The following ZNF215 variants were observed in gnomAD, a reference collection of about 807,000 sequenced individuals.
ZNF215 encodes the protein BWSCR2-associated zinc finger protein 2.
In ZNF215, 24 loss-of-function variants were observed where a neutral mutation model predicts 27.2. The observed-to-expected ratio is 0.88, with a 90% CI of 0.64 to 1.24. ZNF215 has a LOEUF of 1.24. Ranked by LOEUF, ZNF215 falls within the 50% of genes most tolerant of loss-of-function variation. The pLI, the probability that ZNF215 is intolerant of heterozygous loss-of-function variation, is 0.00. For synonymous variants in ZNF215, 210 were observed against 204.0 expected, an observed-to-expected ratio of 1.03 and a Z score of -0.25; for missense variants, 675 against 605.7, an observed-to-expected ratio of 1.11 and a Z score of -1.20.
chr11:6,980,499 A>G (rs1254048852), intron 5 of ZNF215, among the ~76,000 whole-genome samples: 1 of 152,128 alleles, frequency 6.6e-6, no homozygotes, highest in Non-Finnish European at 1.5e-5. Flanking sequence ...ACAGTTTAAT[A>G]AACTAAGTGT....
At chr11:6,967,597 A>T (rs1034282419) in intron 5 of ZNF215, among the ~76,000 whole-genome samples, 4 of 152,088 alleles carry the variant, frequency 2.6e-5, no homozygotes, top group African/African-American at 9.7e-5. Context: ...AGCCACATAA[A>T]TGTCGTATTT....
intron 5 of ZNF215, among the ~76,000 whole-genome samples, chr11:6,969,044 T>A (rs1206320618): frequency 6.6e-6 from 1 of 152,190 alleles, no homozygotes; most frequent in Non-Finnish European, 1.5e-5. Flanking sequence ...CTTTCCATTA[T>A]TATGCCATGT....
At chr11:6,990,879 TC>T (rs780548817), downstream of ZNF215, among the ~76,000 whole-genome samples, 2 of 152,200 alleles carry the variant, frequency 1.3e-5, no homozygotes, top group Non-Finnish European at 2.9e-5. Context: ...AGTGTGGCAC[TC>T]CTGCAAAAAT....
At chr11:6,937,020 A>G (rs1160056159) in intron 3 of ZNF215, among the ~76,000 whole-genome samples, 1 of 152,046 alleles carries the variant, frequency 6.6e-6, no homozygotes, top group Non-Finnish European at 1.5e-5. Context: ...AATCAGGAAC[A>G]AGACAAGAAT....
At chr11:6,951,464 G>A (rs1850056631) in intron 6 of ZNF215, among the ~76,000 whole-genome samples, 2 of 152,286 alleles carry the variant, frequency 1.3e-5, no homozygotes, top group East Asian at 3.9e-4. Context: ...AGTCTTGGGA[G>A]GGTGTATGTG....
intron 1 of ZNF215, among the ~76,000 whole-genome samples, chr11:6,927,085 G>A (rs1180212488): frequency 6.6e-6 from 1 of 152,128 alleles, no homozygotes; most frequent in African/African-American, 2.4e-5. Context: ...AGAGTGGTTA[G>A]TATGTTATGA....
Position 6,943,636 on chromosome 11 carries a change from T to G in ZNF215, c.707T>G (p.Ile236Ser). ...IMEKEIPRKT[I>S]FDMKSISGEE... ...GAGAAAGAAATACCAAGGAAGACTA[T>G]TTTTGGTAAGAACCAGGTAGATATG... The change falls in exon 6 of 7, where the codon ATT becomes AGT. Residue 236 changes from isoleucine to serine, a missense_variant. By Grantham distance (142) the Ile-to-Ser change is moderately radical (BLOSUM62 -2). Coordinates refer to ENST00000278319, the MANE Select transcript of ZNF215 (RefSeq NM_013250.4). 1 of 1,612,016 alleles carries G rather than the reference T, an allele frequency of 6.2e-7. No homozygotes were observed. Among genetic ancestry groups the G allele is most frequent in the Admixed American group, 1.7e-5 (1 of 60,012 alleles).
At chr11:6,929,314 T>A (rs1849172355) in intron 2 of ZNF215, among the ~76,000 whole-genome samples, 1 of 152,214 alleles carries the variant, frequency 6.6e-6, no homozygotes, top group African/African-American at 2.4e-5. Flanking sequence ...CTCCACTAAT[T>A]TTTCCTATTA....
chr11:6,952,514 T>C (rs1272145093), intron 6 of ZNF215, among the ~76,000 whole-genome samples: 2 of 152,112 alleles, frequency 1.3e-5, no homozygotes, highest in African/African-American at 2.4e-5. Context: ...CTTTTGATCT[T>C]TGTTGGTTTA....
Position 6,932,252 on chromosome 11 carries a change from G to C in ZNF215, c.-21G>C. On this transcript the variant is annotated 5_prime_UTR_variant, in exon 3 of 7. Coordinates refer to ENST00000278319, the MANE Select transcript of ZNF215 (RefSeq NM_013250.4). ...TCTAGTAAGGCGGATTTGAACTACT[G>C]TGGGAGTTCTATTTAGGAAGATGCA... is the stretch of plus-strand genomic sequence containing the variant. 3 of 1,607,418 alleles carry C rather than the reference G, an allele frequency of 1.9e-6. No homozygotes were observed. The highest frequency in any genetic ancestry group is 1.1e-5 in the South Asian group (1 of 89,906).
intron 3 of ZNF215, among the ~76,000 whole-genome samples, chr11:6,940,836 C>T (rs1041096101): frequency 1.3e-5 from 2 of 152,138 alleles, no homozygotes; most frequent in Non-Finnish European, 2.9e-5. Flanking sequence ...TATTAGAAGA[C>T]ATTTTAACAT....
At chr11:6,955,382 G>A (rs1218093873) in intron 6 of ZNF215, among the ~76,000 whole-genome samples, 4 of 152,144 alleles carry the variant, frequency 2.6e-5, no homozygotes, top group Admixed American at 6.5e-5. Context: ...CACTAGTTAC[G>A]AACCAGTGAT....
chr11:6,986,824 A>G (rs1226870740), downstream of ZNF215, among the ~76,000 whole-genome samples: 1 of 150,526 alleles, frequency 6.6e-6, no homozygotes, highest in South Asian at 2.2e-4. Context: ...AGGCAAAATG[A>G]CTTTTGTTAA....
chr11:6,965,808 T>C (rs767195254), intron 5 of ZNF215, among the ~76,000 whole-genome samples: 7 of 152,216 alleles, frequency 4.6e-5, no homozygotes, highest in Non-Finnish European at 8.8e-5. Flanking sequence ...GAGATTTTTT[T>C]ATATAGTCAA....
chr11:6,990,568 G>C (rs948460980), downstream of ZNF215, among the ~76,000 whole-genome samples: 17 of 152,226 alleles, frequency 1.1e-4, no homozygotes, highest in African/African-American at 4.1e-4. Flanking sequence ...TACAACCTCT[G>C]TATCTTTTGT....
At chr11:6,950,165 G>T (rs532431287) in intron 6 of ZNF215, among the ~76,000 whole-genome samples, 3 of 149,922 alleles carry the variant, frequency 2.0e-5, no homozygotes, top group East Asian at 3.9e-4. Context: ...GTCAGGTAGC[G>T]TGATGCCTCC....
downstream of ZNF215, among the ~76,000 whole-genome samples, chr11:6,985,637 C>T (rs1851042925): frequency 6.6e-6 from 1 of 152,140 alleles, no homozygotes; most frequent in Non-Finnish European, 1.5e-5. Flanking sequence ...TTAGAAAACA[C>T]TAAAGACTCT....
In ZNF215 at chr11:6,932,630, G is replaced by T; in HGVS notation, c.358G>T (p.Val120Leu). The part of the protein sequence containing the change: ...LQHPNNSKDM[V>L]TLIEDVIEML... ...ACATCCAAACAACAGTAAAGATATG[G>T]TGACCCTCATAGAAGATGTGATTGA... is the stretch of plus-strand genomic sequence containing the variant. The change falls in exon 3 of 7, where the codon GTG becomes TTG. Residue 120 changes from valine (V) to leucine (L), a missense_variant. Transcript: ENST00000278319. 6.2e-7 allele frequency: 1 copy of T among 1,613,954 alleles called. No homozygotes were observed.
At chr11:6,967,316 G>T (rs758442535) in intron 5 of ZNF215, among the ~76,000 whole-genome samples, 1 of 151,664 alleles carries the variant, frequency 6.6e-6, no homozygotes, top group Non-Finnish European at 1.5e-5. Flanking sequence ...AATCCTTTGG[G>T]TACCCAGTAA....
Sources: gnomAD v4.1 joint callset for allele counts (sites outside exome capture counted in the v4.1 genomes callset) on GRCh38, gnomAD v4.1.1 for gene constraint, MANE v1.5 for transcripts, NCBI Gene and HGNC (gene_info 2026-07-23, HGNC 2026-07-21) for gene names.